Variants in XKR4 observed in about 807,000 individuals in gnomAD.
The protein encoded by XKR4 is XK-related protein 4.
In XKR4, 12 loss-of-function variants were observed where a neutral mutation model predicts 53.9. The observed-to-expected ratio is 0.22, with a 90% CI of 0.14 to 0.36. The LOEUF (loss-of-function observed/expected upper bound fraction) is 0.36. Ranked by LOEUF, XKR4 falls within the 10% of genes least tolerant of loss-of-function variation. The pLI is 1.00. For missense variants in XKR4, 799 were observed against 859.5 expected, an observed-to-expected ratio of 0.93 and a Z score of 0.88; for synonymous variants, 354 against 362.4, an observed-to-expected ratio of 0.98 and a Z score of 0.26.
At chr8:55,364,781 C>T (rs928160235) in intron 2 of XKR4, among the ~76,000 whole-genome samples, 1 of 152,040 alleles carries the variant, frequency 6.6e-6, no homozygotes, top group Non-Finnish European at 1.5e-5. Flanking sequence ...TACAGGCCCC[C>T]GCCACCACGC....
At chr8:55,391,588 A>C (rs1804443967) in intron 2 of XKR4, among the ~76,000 whole-genome samples, 1 of 152,196 alleles carries the variant, frequency 6.6e-6, no homozygotes, top group South Asian at 2.1e-4. Flanking sequence ...TGCAAAAGCA[A>C]ACACTAAAAG....
intron 1 of XKR4, among the ~76,000 whole-genome samples, chr8:55,179,183 C>T (rs1585922465): frequency 1.3e-5 from 2 of 152,166 alleles, no homozygotes; most frequent in East Asian, 1.9e-4. Flanking sequence ...ATTGAATTAC[C>T]AAACAATATT....
In XKR4 at chr8:55,305,524, G is replaced by A. The variant is rs545006175; in HGVS notation, c.807-52154G>A. On this transcript the variant is annotated intron_variant, in intron 1 of 2. Transcript: ENST00000327381. ...ACTGGACTGGAAGGCAGAAGATTCA[G>A]TCAAGTTCATACGTGCCTTGAGTAT... Among the ~76,000 whole-genome samples the A allele has an allele frequency of 8.1e-4, 123 of 152,196 alleles. 1 individual carries two copies. The highest frequency in any genetic ancestry group is 2.8e-3 in the African/African-American group (118 of 41,482).
chr8:55,528,768 T>C lies in XKR4; in HGVS notation c.*4541T>C, dbSNP rs1806910850. ...TTGTCTCGGCAATCCAATGTCATTT[T>C]TGAAAACAATCAAAAAGATCGCTTG... On this transcript the variant is annotated 3_prime_UTR_variant, in exon 3 of 3. Transcript: ENST00000327381. The C allele has an allele frequency of 6.6e-6, 1 of 152,110 alleles. No homozygotes were observed. Among genetic ancestry groups the C allele is most frequent in the Non-Finnish European group, 1.5e-5 (1 of 68,034 alleles). 9.4% of individuals were successfully genotyped at this position (152,110 alleles called of 1,614,324 possible).
intron 2 of XKR4, chr8:55,453,295 G>T (rs901575891): frequency 6.4e-5 from 31 of 485,200 alleles, no homozygotes; most frequent in Non-Finnish European, 9.3e-5. Context: ...GCAGGCAGCA[G>T]TTCATCATAC....
At chr8:55,184,833 C>T (rs927882422) in intron 1 of XKR4, among the ~76,000 whole-genome samples, 4 of 151,958 alleles carry the variant, frequency 2.6e-5, no homozygotes, top group African/African-American at 4.8e-5. Context: ...TTATTATTCT[C>T]GGGTGTAGAT....
At chr8:55,105,133 T>C (rs1409705261) in intron 1 of XKR4, among the ~76,000 whole-genome samples, 1 of 152,204 alleles carries the variant, frequency 6.6e-6, no homozygotes, top group African/African-American at 2.4e-5. Context: ...AAATCTGATA[T>C]TAAATTCTGT....
chr8:55,447,323 A>G (rs1259841815), intron 2 of XKR4, among the ~76,000 whole-genome samples: 1 of 152,222 alleles, frequency 6.6e-6, no homozygotes, highest in Admixed American at 6.5e-5. Flanking sequence ...AAATCCATGC[A>G]TCATTCCAAA....
intron 2 of XKR4, among the ~76,000 whole-genome samples, chr8:55,447,077 G>T (rs1449639989): frequency 6.6e-6 from 1 of 151,094 alleles, no homozygotes; most frequent in Non-Finnish European, 1.5e-5. Flanking sequence ...AAAAAGCAGA[G>T]GTTAGGAGTG....
chr8:55,263,881 C>A (rs12680552), intron 1 of XKR4, among the ~76,000 whole-genome samples: 35,864 of 152,074 alleles, frequency 0.24, 4,686 homozygotes, highest in East Asian at 0.49. Flanking sequence ...CATTGAAGAA[C>A]TTTTAGGGCC....
intron 1 of XKR4, among the ~76,000 whole-genome samples, chr8:55,254,577 G>A (rs1818408126): frequency 6.6e-6 from 1 of 152,186 alleles, no homozygotes; most frequent in Non-Finnish European, 1.5e-5. Flanking sequence ...GATAAAGGAA[G>A]CGTCGATCTC....
At chr8:55,404,268 CAGAT>C (rs113393328) in intron 2 of XKR4, among the ~76,000 whole-genome samples, 3,943 of 152,116 alleles carry the variant, frequency 0.026, 61 homozygotes, top group African/African-American at 0.038. Flanking sequence ...TGACAGATGA[CAGAT>C]AGATAGGTAG....
chr8:55,341,796 G>A (rs984456678), intron 1 of XKR4, among the ~76,000 whole-genome samples: 19 of 151,970 alleles, frequency 1.3e-4, no homozygotes, highest in Non-Finnish European at 4.4e-5. Context: ...GAGAGAAGCT[G>A]GATCCTTGGC....
rs993305710 is a variant in XKR4 at position 55,111,136 on chromosome 8, A to G, written c.806+7842A>G. Among the ~76,000 whole-genome samples the G allele has an allele frequency of 5.9e-5, 9 of 152,180 alleles. No homozygotes were observed. The East Asian group carries it at 1.7e-3, about 29-fold the overall frequency. ...ATCAGAAGAAATGATTTGGTCTCCA[A>G]TAGCAGCAGATTCCAGGCAGGCTAC... is the stretch of plus-strand genomic sequence containing the variant. On this transcript the variant is annotated intron_variant, in intron 1 of 2. Coordinates refer to ENST00000327381, the MANE Select transcript of XKR4 (RefSeq NM_052898.2).
intron 1 of XKR4, among the ~76,000 whole-genome samples, chr8:55,104,822 T>A (rs1165829476): frequency 6.6e-6 from 1 of 152,232 alleles, no homozygotes. Flanking sequence ...TTCCCATGGA[T>A]GACTATTGGG....
chr8:55,159,311 CT>C (rs151252761), intron 1 of XKR4, among the ~76,000 whole-genome samples: 4,627 of 152,268 alleles, frequency 0.03, 183 homozygotes, highest in East Asian at 0.12. Flanking sequence ...TTTCAAAGCA[CT>C]TGGGATATGT....
At chr8:55,216,101 A>G (rs1025555935) in intron 1 of XKR4, among the ~76,000 whole-genome samples, 3 of 152,270 alleles carry the variant, frequency 2.0e-5, no homozygotes, top group Non-Finnish European at 4.4e-5. Context: ...ACATTTTTAT[A>G]GAGGAATTAA....
intron 2 of XKR4, among the ~76,000 whole-genome samples, chr8:55,487,152 ACT>A (rs1407855163): frequency 2.0e-5 from 3 of 152,164 alleles, no homozygotes; most frequent in African/African-American, 7.2e-5. Context: ...CAATGATGTC[ACT>A]CTCAGTCCAA....
intron 2 of XKR4, among the ~76,000 whole-genome samples, chr8:55,445,150 C>A (rs867606149): frequency 6.6e-6 from 1 of 152,110 alleles, no homozygotes; most frequent in Admixed American, 6.5e-5. Flanking sequence ...CTCCGCCTCC[C>A]GGGTTCATGC....
Sources: allele counts gnomAD v4.1 joint callset (sites outside exome capture counted in the v4.1 genomes callset), GRCh38; gene constraint gnomAD v4.1.1; transcripts MANE v1.5; gene names NCBI Gene and HGNC (gene_info 2026-07-23, HGNC 2026-07-21).